Variants in TTLL5 observed in about 807,000 individuals in gnomAD.
TTLL5 encodes the protein tubulin polyglutamylase TTLL5.
A neutral mutation model predicts 168.4 loss-of-function variants in TTLL5; 132 were observed. That is an observed-to-expected ratio of 0.78 (90% confidence interval 0.68 to 0.91). The LOEUF (loss-of-function observed/expected upper bound fraction) is 0.91. TTLL5 is among the 40% of genes least tolerant of loss of function. The pLI is 0.00. For missense variants in TTLL5, 1,545 were observed against 1,581.5 expected (o/e 0.98, Z 0.39); for synonymous variants, 546 against 558.6 (o/e 0.98, Z 0.32).
At chr14:75,773,882 A>T (rs1595013259) in intron 21 of TTLL5, among the ~76,000 whole-genome samples, 1 of 132,610 alleles carries the variant, frequency 7.5e-6, no homozygotes, top group East Asian at 2.1e-4. Flanking sequence ...AGAGCAAGAT[A>T]CCGTCTCAAA....
chr14:75,696,729 A>C (rs1885902750), intron 6 of TTLL5, among the ~76,000 whole-genome samples: 1 of 152,180 alleles, frequency 6.6e-6, no homozygotes, highest in East Asian at 1.9e-4. Flanking sequence ...TCCTCCCCAG[A>C]GATGATCAGT....
rs1168111978 is a variant in TTLL5 at position 75,863,858 on chromosome 14, A to T, written c.3518A>T (p.His1173Leu). 6.5e-7 allele frequency: 1 copy of T among 1,535,898 alleles called. No individual in the cohort carries two copies. The highest frequency in any genetic ancestry group is 1.8e-5 in the Admixed American group (1 of 54,996). ...CTCCTGGACCAGAGTCGAGCCCGGCACCAGGTAATTCAAGATAAGTCTTTT... is the reference window on the plus strand; with the variant it reads ...CTCCTGGACCAGAGTCGAGCCCGGCTCCAGGTAATTCAAGATAAGTCTTTT... ...RQLLDQSRAR[H>L]QAIFGSQTLP... Residue 1173 changes from histidine (H) to leucine (L), a missense_variant, in exon 29 of 32, where the codon CAC (histidine) becomes CTC (leucine). Transcript: ENST00000298832.
chr14:75,752,234 G>C (rs911130509), intron 17 of TTLL5, among the ~76,000 whole-genome samples: 8 of 152,156 alleles, frequency 5.3e-5, no homozygotes, highest in Admixed American at 5.2e-4. Context: ...AGCCCAGTAG[G>C]CCTCAGCCTC....
chr14:75,848,581 T>A (rs1896681042), intron 28 of TTLL5, among the ~76,000 whole-genome samples: 1 of 152,250 alleles, frequency 6.6e-6, no homozygotes, highest in Admixed American at 6.5e-5. Context: ...TTTGGCTTTC[T>A]TAAAGGTCAT....
At chr14:75,899,940 T>C (rs1380281098) in intron 30 of TTLL5, among the ~76,000 whole-genome samples, 2 of 2,228 alleles carry the variant, frequency 9.0e-4, no homozygotes, top group South Asian at 0.037. Context: ...CTTCTTCCCT[T>C]TTTTTTTTTT....
intron 7 of TTLL5, among the ~76,000 whole-genome samples, chr14:75,702,676 G>A (rs1227573504): frequency 6.6e-6 from 1 of 151,982 alleles, no homozygotes; most frequent in Admixed American, 6.6e-5. Context: ...CTTAGAGAAT[G>A]TGTTTGGCAG....
chr14:75,916,960 T>C (rs2033639410), intron 31 of TTLL5, among the ~76,000 whole-genome samples: 1 of 152,194 alleles, frequency 6.6e-6, no homozygotes, highest in Non-Finnish European at 1.5e-5. Context: ...TGATTCCACT[T>C]ATACAAGGTA....
chr14:75,736,085 T>C (rs1257698172), intron 15 of TTLL5, among the ~76,000 whole-genome samples: 1 of 152,234 alleles, frequency 6.6e-6, no homozygotes, highest in Admixed American at 6.5e-5. Flanking sequence ...TTAACATTTA[T>C]TTACTTGTTC....
intron 27 of TTLL5, among the ~76,000 whole-genome samples, chr14:75,819,619 A>G (rs921432578): frequency 1.3e-5 from 2 of 152,222 alleles, no homozygotes; most frequent in African/African-American, 4.8e-5. Flanking sequence ...GTTATTTATA[A>G]CTAAAATTTA....
chr14:75,850,325 GA>G (rs750493204), intron 28 of TTLL5, among the ~76,000 whole-genome samples: 1 of 144,072 alleles, frequency 6.9e-6, no homozygotes, highest in African/African-American at 2.6e-5. Context: ...AGAATCGCTT[GA>G]ACCTGGGAGG....
chr14:75,820,812 A>G (rs1373339834), intron 28 of TTLL5: 1 of 153,110 alleles, frequency 6.5e-6, no homozygotes, highest in African/African-American at 2.4e-5. Context: ...TATTAAAAAA[A>G]AAAAAAAAAA....
In TTLL5 at chr14:75,701,250, A is replaced by G. The variant is rs114910784; in HGVS notation, c.585+1980A>G. Among the ~76,000 whole-genome samples the G allele has an allele frequency of 1.5e-3, 224 of 152,246 alleles. 1 individual carries two copies. Among genetic ancestry groups the G allele is most frequent in the African/African-American group, 5.1e-3 (213 of 41,532 alleles). On this transcript the variant is annotated intron_variant, in intron 7 of 31. Transcript: ENST00000298832. The stretch of plus-strand genomic sequence containing the variant: ...CCTGCCTTTCCTTCTGAGGATACCA[A>G]TGGAAATTTTTGTAAAGTTCTCTTC...
At chr14:75,762,680 G>T (rs1594990312) in intron 18 of TTLL5, among the ~76,000 whole-genome samples, 1 of 152,006 alleles carries the variant, frequency 6.6e-6, no homozygotes, top group East Asian at 1.9e-4. Flanking sequence ...GTTTATCCAG[G>T]GTCTCTTGGT....
chr14:75,843,848 A>AT (rs1896388089), intron 28 of TTLL5, among the ~76,000 whole-genome samples: 1 of 128,220 alleles, frequency 7.8e-6, no homozygotes, highest in Admixed American at 7.5e-5. Flanking sequence ...CTCATTTTAT[A>AT]TTTATTTTAT....
chr14:75,880,204 T>TA (rs1211218794), intron 29 of TTLL5, among the ~76,000 whole-genome samples: 8 of 151,656 alleles, frequency 5.3e-5, no homozygotes, highest in South Asian at 4.2e-4. Context: ...GTATTCTTTT[T>TA]AAAAAAAACA....
intron 21 of TTLL5, among the ~76,000 whole-genome samples, chr14:75,774,361 A>C (rs189665696): frequency 1.6e-4 from 25 of 152,038 alleles, no homozygotes; most frequent in African/African-American, 5.8e-4. Context: ...CTCCTTGACA[A>C]CCCCCAACTC....
Position 75,669,440 on chromosome 14 carries a change from T to C in TTLL5, c.99T>C (p.Thr33=). The C allele has an allele frequency of 6.2e-7, 1 of 1,614,142 alleles. No individual in the cohort carries two copies. Among genetic ancestry groups the C allele is most frequent in the Non-Finnish European group, 8.5e-7 (1 of 1,179,944 alleles). ...SQEDHPCIMW[T]GGCRRIPVLV... ...GGGATCATCCATGCATCATGTGGACTGGAGGCTGCAGGAGAATTCCAGTTT... is the reference window on the plus strand; with the variant it reads ...GGGATCATCCATGCATCATGTGGACCGGAGGCTGCAGGAGAATTCCAGTTT... Residue 33 remains threonine (T), a synonymous_variant, in exon 3 of 32, where the codon ACT becomes ACC. Coordinates refer to ENST00000298832, the MANE Select transcript of TTLL5 (RefSeq NM_015072.5).
At chr14:75,839,394 T>C (rs1287380830) in intron 28 of TTLL5, among the ~76,000 whole-genome samples, 1 of 152,224 alleles carries the variant, frequency 6.6e-6, no homozygotes, top group Non-Finnish European at 1.5e-5. Context: ...TTTTTGATAG[T>C]AGCCATCTGT....
At chr14:75,926,734 GT>G (rs1240174101) in intron 31 of TTLL5, among the ~76,000 whole-genome samples, 1 of 152,160 alleles carries the variant, frequency 6.6e-6, no homozygotes, top group African/African-American at 2.4e-5. Context: ...GGCGCAGCTG[GT>G]TTAGAAAACA....
Sources: gnomAD v4.1 joint callset for allele counts (sites outside exome capture counted in the v4.1 genomes callset) on GRCh38, gnomAD v4.1.1 for gene constraint, MANE v1.5 for transcripts, NCBI Gene and HGNC (gene_info 2026-07-23, HGNC 2026-07-21) for gene names.